Variants in NEDD4L observed in about 807,000 individuals in gnomAD.
NEDD4L encodes E3 ubiquitin-protein ligase NEDD4-like.
In NEDD4L, 54 loss-of-function variants were observed where a neutral mutation model predicts 148.9. That is an observed-to-expected ratio of 0.36 (90% CI 0.29 to 0.45). The LOEUF (loss-of-function observed/expected upper bound fraction) is 0.45, where lower values mean the gene tolerates loss of function less well. Ranked by LOEUF, NEDD4L falls within the 20% of genes least tolerant of loss-of-function variation. The pLI, the probability that NEDD4L is intolerant of heterozygous loss-of-function variation, is 1.00. For missense variants in NEDD4L, 856 were observed against 1,233.8 expected (o/e 0.69, Z 4.59); for synonymous variants, 433 against 440.7 (o/e 0.98, Z 0.22).
intron 1 of NEDD4L, among the ~76,000 whole-genome samples, chr18:58,055,704 T>G (rs1417475551): frequency 6.6e-6 from 1 of 152,222 alleles, no homozygotes; most frequent in Non-Finnish European, 1.5e-5. Context: ...TAAATTGTAT[T>G]TCTTTTTCCC....
chr18:58,082,078 G>GAA, intron 1 of NEDD4L, among the ~76,000 whole-genome samples: 1 of 100,372 alleles, frequency 1.0e-5, no homozygotes, highest in African/African-American at 5.3e-5. Flanking sequence ...GCTTTCTGAT[G>GAA]AATATATATA....
intron 2 of NEDD4L, among the ~76,000 whole-genome samples, chr18:58,188,173 C>T (rs1449206451): frequency 6.6e-6 from 1 of 152,164 alleles, no homozygotes; most frequent in African/African-American, 2.4e-5. Context: ...GCCCAGGCCA[C>T]CCCACAGGAC....
chr18:58,058,459 C>A (rs1454859589), intron 1 of NEDD4L, among the ~76,000 whole-genome samples: 1 of 152,226 alleles, frequency 6.6e-6, no homozygotes, highest in African/African-American at 2.4e-5. Context: ...ATGCCTTACT[C>A]GTGAACCAGT....
intron 19 of NEDD4L, among the ~76,000 whole-genome samples, chr18:58,360,295 G>A (rs1009955643): frequency 1.3e-5 from 2 of 152,234 alleles, no homozygotes; most frequent in East Asian, 1.9e-4. Flanking sequence ...GCATTTTTCC[G>A]ATTCTCTCTA....
chr18:58,070,367 T>C (rs1301089452), intron 1 of NEDD4L, among the ~76,000 whole-genome samples: 1 of 152,116 alleles, frequency 6.6e-6, no homozygotes, highest in African/African-American at 2.4e-5. Flanking sequence ...TGAATTTAAG[T>C]GATTGGTCCT....
chr18:58,071,894 A>T (rs2082889957), intron 1 of NEDD4L, among the ~76,000 whole-genome samples: 1 of 152,200 alleles, frequency 6.6e-6, no homozygotes, highest in South Asian at 2.1e-4. Context: ...AGTATGGGAG[A>T]AACTTCCCTT....
intron 5 of NEDD4L, among the ~76,000 whole-genome samples, chr18:58,277,248 G>A (rs1295990040): frequency 1.3e-5 from 2 of 149,896 alleles, no homozygotes. Context: ...ATGGAGAAGA[G>A]AAAAAAAAAA....
At position 58,373,216 on chromosome 18, in the gene NEDD4L, G is replaced by T; in HGVS notation, c.2299G>T (p.Asp767Tyr). 1 of 1,579,296 alleles carries T rather than the reference G, an allele frequency of 6.3e-7. No homozygotes were observed. Among genetic ancestry groups the T allele is most frequent in the South Asian group, 1.2e-5 (1 of 86,068 alleles). ...YNSLKWILENDPTELDLMFCI... is the reference protein window; with the variant it reads ...YNSLKWILENYPTELDLMFCI... The stretch of plus-strand genomic sequence containing the variant: ...CTCTTTGAAATGGATCCTGGAGAAT[G>T]ACCCTACTGAGCTGGACCTCATGTT... The change falls in exon 24 of 31, where the codon GAC becomes TAC. Residue 767 changes from aspartate to tyrosine, a missense_variant. By Grantham distance (160) the Asp-to-Tyr change is radical. This residue lies in a region of NEDD4L where 286 missense variants were observed against 531.8 expected (regional missense o/e 0.54). Coordinates refer to ENST00000400345, the MANE Select transcript of NEDD4L (RefSeq NM_001144967.3).
chr18:58,351,792 T>C (rs2043924573), intron 18 of NEDD4L, among the ~76,000 whole-genome samples: 1 of 152,224 alleles, frequency 6.6e-6, no homozygotes, highest in Non-Finnish European at 1.5e-5. Context: ...TGAGTGCAAT[T>C]TGGTAGTATC....
At chr18:58,063,375 G>A (rs1313605561) in intron 1 of NEDD4L, among the ~76,000 whole-genome samples, 8 of 151,930 alleles carry the variant, frequency 5.3e-5, no homozygotes, top group African/African-American at 1.9e-4. Context: ...TAAGTTAAAA[G>A]ATACCTTCTA....
At chr18:58,191,642 G>A (rs1316408890) in intron 2 of NEDD4L, among the ~76,000 whole-genome samples, 1 of 152,188 alleles carries the variant, frequency 6.6e-6, no homozygotes, top group African/African-American at 2.4e-5. Flanking sequence ...CTAGAACTTG[G>A]TGTATAACCA....
At chr18:58,203,172 G>A (rs2041607085) in intron 2 of NEDD4L, among the ~76,000 whole-genome samples, 1 of 151,928 alleles carries the variant, frequency 6.6e-6, no homozygotes, top group Non-Finnish European at 1.5e-5. Context: ...TTACTGTGTT[G>A]CCCAGGCTGG....
At chr18:58,322,990 G>T (rs1290203518) in intron 7 of NEDD4L, among the ~76,000 whole-genome samples, 1 of 136,852 alleles carries the variant, frequency 7.3e-6, no homozygotes, top group East Asian at 2.2e-4. Flanking sequence ...TGCCTGCCCT[G>T]CGTGCTGTGG....
chr18:58,392,797 G>A (rs2050005904), intron 30 of NEDD4L, among the ~76,000 whole-genome samples: 1 of 152,216 alleles, frequency 6.6e-6, no homozygotes, highest in Non-Finnish European at 1.5e-5. Context: ...GTTGAGCCAA[G>A]CCCCAGGACT....
chr18:58,050,767 T>TA (rs536370434), intron 1 of NEDD4L, among the ~76,000 whole-genome samples: 1 of 151,380 alleles, frequency 6.6e-6, no homozygotes, highest in African/African-American at 2.4e-5. Context: ...AAATAAAAAA[T>TA]AAAAAAAGAA....
chr18:58,255,517 C>T (rs184599215), intron 5 of NEDD4L: 5 of 1,231,156 alleles, frequency 4.1e-6, no homozygotes, highest in African/African-American at 1.6e-5. Context: ...CCCGGTGCCG[C>T]AGTGCTAACA....
At chr18:58,313,625 T>C (rs563169167) in intron 5 of NEDD4L, among the ~76,000 whole-genome samples, 110 of 152,320 alleles carry the variant, frequency 7.2e-4, no homozygotes, top group Non-Finnish European at 1.2e-3. Flanking sequence ...CTCTCTGGCT[T>C]CCTATCTGTA....
chr18:58,303,385 CCT>C (rs1263157094), intron 5 of NEDD4L, among the ~76,000 whole-genome samples: 11 of 152,314 alleles, frequency 7.2e-5, no homozygotes, highest in African/African-American at 2.4e-4. Flanking sequence ...CCTCACATTT[CCT>C]CTCTCATGTT....
rs541121836 is a variant in NEDD4L, at chr18:58,256,724, C to T, written c.297+4670C>T. The stretch of plus-strand genomic sequence containing the variant: ...GGGGCCGGAAGAAGCTCCCCAGAAT[C>T]CCGAGGAGAAAAGCGCCAAAAGCCC... On this transcript the variant is annotated intron_variant, in intron 5 of 30. Coordinates refer to ENST00000400345, the MANE Select transcript of NEDD4L (RefSeq NM_001144967.3). This position sits in a 1 kb window ranked among gnomAD's most constrained non-coding sequence, Gnocchi z 5.2. 141 of 1,232,170 alleles carry T rather than the reference C, an allele frequency of 1.1e-4. 1 individual carries two copies. Among genetic ancestry groups the T allele is most frequent in the Non-Finnish European group, 2.0e-6 (2 of 988,054 alleles). 76.3% of individuals were successfully genotyped at this position (1,232,170 alleles called of 1,614,324 possible). A position where few individuals can be genotyped will look rare whatever the true frequency, so the allele number is the denominator to read the frequency against.
Sources: allele counts gnomAD v4.1 joint callset (sites outside exome capture counted in the v4.1 genomes callset), GRCh38; gene constraint gnomAD v4.1.1; regional missense constraint gnomAD v4.1.1; non-coding constraint Gnocchi (gnomAD v3.1); transcripts MANE v1.5; gene names NCBI Gene and HGNC (gene_info 2026-07-23, HGNC 2026-07-21).